Variants in ZBTB40 observed in about 807,000 individuals in gnomAD.
The protein encoded by ZBTB40 is zinc finger and BTB domain containing 40, also known as zinc finger and BTB domain-containing protein 40.
Under a neutral mutation model 117.5 loss-of-function variants are expected in ZBTB40, and 60 were observed. That is an observed-to-expected ratio of 0.51 (90% CI 0.41 to 0.63). ZBTB40 has a LOEUF of 0.63. Among genes scored for constraint, ZBTB40 ranks in the 30% least tolerant of loss-of-function variants. The probability of loss-of-function intolerance (pLI) is 0.00; values close to 1 mark genes in which losing one functional copy is unlikely to be tolerated. For synonymous variants in ZBTB40, 525 were observed against 577.1 expected, an observed-to-expected ratio of 0.91 and a Z score of 1.29; for missense variants, 1,287 against 1,498.5, an observed-to-expected ratio of 0.86 and a Z score of 2.33.
At chr1:22,461,727 T>C (rs1481260076) in intron 1 of ZBTB40, among the ~76,000 whole-genome samples, 1 of 152,164 alleles carries the variant, frequency 6.6e-6, no homozygotes, top group African/African-American at 2.4e-5. Context: ...GGTACTTAAC[T>C]ACAAAAGTGT....
chr1:22,444,526 T>C (rs191826058), intron 1 of ZBTB40, among the ~76,000 whole-genome samples: 1 of 151,958 alleles, frequency 6.6e-6, no homozygotes, highest in East Asian at 1.9e-4. Flanking sequence ...ATCTCAGGAG[T>C]TGGGCGAGTG....
At chr1:22,450,699 A>T (rs1180310888), upstream of ZBTB40, among the ~76,000 whole-genome samples, 2 of 152,244 alleles carry the variant, frequency 1.3e-5, no homozygotes, top group Non-Finnish European at 2.9e-5. Flanking sequence ...CAGTGACAGT[A>T]AATATGATCG....
chr1:22,517,234 G>T, intron 12 of ZBTB40, 66 bp from the exon 13 acceptor site: 1 of 1,601,646 alleles, frequency 6.2e-7, no homozygotes, highest in Non-Finnish European at 8.5e-7. Flanking sequence ...TGTAGAATTA[G>T]ATTTTGTTTG....
chr1:22,515,661 G>T (rs993311673), intron 12 of ZBTB40, among the ~76,000 whole-genome samples: 3 of 151,850 alleles, frequency 2.0e-5, no homozygotes. Flanking sequence ...CGATTACATT[G>T]AGCCCACCTG....
rs1157079061 is a variant in ZBTB40, at chr1:22,513,753, C to CTT, written c.2668+623_2668+624insTT. ...TAAAAAACAATGCACAACCTCTAGG[C>CTT]AAACAGACGACTGGGAATAGCTCTG... On this transcript the variant is annotated intron_variant, in intron 12 of 17. Transcript: ENST00000375647. The surrounding 1 kb of genome is among the most constrained non-coding windows in gnomAD (Gnocchi z 4.9). Among the ~76,000 whole-genome samples, 2 of 152,130 alleles carry CTT rather than the reference C, an allele frequency of 1.3e-5. No homozygotes were observed. Among genetic ancestry groups the CTT allele is most frequent in the Non-Finnish European group, 2.9e-5 (2 of 68,032 alleles).
At position 22,511,263 on chromosome 1, in the gene ZBTB40, GC is replaced by G; in HGVS notation, c.1920del (p.Ile641LeufsTer42). 2 of 1,614,028 alleles carry G rather than the reference GC, an allele frequency of 1.2e-6. No homozygotes were observed. Among genetic ancestry groups the G allele is most frequent in the Non-Finnish European group, 1.7e-6 (2 of 1,180,010 alleles). On this transcript the variant is annotated frameshift_variant, in exon 10 of 18. Transcript: ENST00000375647. LOFTEE classifies it high-confidence loss of function. ...CAGAGCCATGGAAAAATCAGTCCCG[GC>G]CATTGAAATATGCCACCTCCTGTGC... ...LSRAMEKSVP[A>X]IEICHLLCSV...
chr1:22,454,342 G>A (rs1475812889), intron 1 of ZBTB40, among the ~76,000 whole-genome samples: 1 of 152,220 alleles, frequency 6.6e-6, no homozygotes. Context: ...CTGGGGCTCT[G>A]TTCTGGAAGC....
At chr1:22,459,528 C>T (rs957674908) in intron 1 of ZBTB40, among the ~76,000 whole-genome samples, 1 of 152,162 alleles carries the variant, frequency 6.6e-6, no homozygotes, top group Non-Finnish European at 1.5e-5. Flanking sequence ...ATTTAGATTT[C>T]TTACTGGATT....
chr1:22,466,967 A>G (rs529878011), intron 1 of ZBTB40, among the ~76,000 whole-genome samples: 21 of 152,228 alleles, frequency 1.4e-4, no homozygotes, highest in African/African-American at 5.1e-4. Context: ...TTAGTGTCAT[A>G]TAGAGAGCCT....
intron 17 of ZBTB40, among the ~76,000 whole-genome samples, chr1:22,524,843 C>T (rs1639634315): frequency 6.6e-6 from 1 of 152,250 alleles, no homozygotes; most frequent in Admixed American, 6.5e-5. Flanking sequence ...CACTTGCACA[C>T]ACCTGGGCCT....
chr1:22,465,932 G>A (rs1325356923), intron 1 of ZBTB40, among the ~76,000 whole-genome samples: 1 of 152,176 alleles, frequency 6.6e-6, no homozygotes, highest in Admixed American at 6.5e-5. Flanking sequence ...CAGGCCAACT[G>A]GATCAGCTGC....
At chr1:22,486,499 G>A (rs1391924884) in intron 1 of ZBTB40, among the ~76,000 whole-genome samples, 1 of 152,176 alleles carries the variant, frequency 6.6e-6, no homozygotes, top group Non-Finnish European at 1.5e-5. Flanking sequence ...TCCCGCTGCT[G>A]GAAGCAAGAG....
chr1:22,433,432 CAAAAAAAAA>C (rs767913519), intron 1 of ZBTB40, among the ~76,000 whole-genome samples: 3 of 8,764 alleles, frequency 3.4e-4, no homozygotes, highest in Non-Finnish European at 8.4e-4. Flanking sequence ...GACGCCCTCT[CAAAAAAAAA>C]AAAAAAAAAA....
At chr1:22,433,459 A>G (rs976049025) in intron 1 of ZBTB40, among the ~76,000 whole-genome samples, 1 of 135,288 alleles carries the variant, frequency 7.4e-6, no homozygotes, top group African/African-American at 2.7e-5. Flanking sequence ...AAAAAAAAAG[A>G]CAGCTAAAAA....
chr1:22,449,158 C>T (rs1640826379), upstream of ZBTB40, among the ~76,000 whole-genome samples: 1 of 152,088 alleles, frequency 6.6e-6, no homozygotes, highest in Admixed American at 6.6e-5. Context: ...TTGTTGACCT[C>T]AGTGTTCTTG....
chr1:22,508,271 A>G, intron 7 of ZBTB40, 134 bp downstream of exon 7: 1 of 1,149,592 alleles, frequency 8.7e-7, no homozygotes, highest in Non-Finnish European at 1.2e-6. Flanking sequence ...AGTAGAGGAG[A>G]AATAGAAGGT....
In ZBTB40 at chr1:22,526,553, T is replaced by C; in HGVS notation, c.*157T>C. The stretch of plus-strand genomic sequence containing the variant: ...ACCTAGAAAACAGATGGAAGCTTCG[T>C]TGTTCTCATAGAACCAACAGCATCT... On this transcript the variant is annotated 3_prime_UTR_variant, in exon 18 of 18. Coordinates refer to ENST00000375647, the MANE Select transcript of ZBTB40 (RefSeq NM_014870.4). The C allele has an allele frequency of 1.0e-6, 1 of 955,286 alleles. No individual in the cohort carries two copies. Among genetic ancestry groups the C allele is most frequent in the Non-Finnish European group, 1.6e-6 (1 of 624,740 alleles). The allele number at this position is 955,286 out of a possible 1,614,324, so 59.2% of individuals were successfully genotyped here. A position where few individuals can be genotyped will look rare whatever the true frequency, so the allele number is the denominator to read the frequency against.
At chr1:22,466,661 T>C (rs911237203) in intron 1 of ZBTB40, among the ~76,000 whole-genome samples, 2 of 152,114 alleles carry the variant, frequency 1.3e-5, no homozygotes, top group African/African-American at 4.8e-5. Context: ...CATCTGTTCA[T>C]GTACTTACTG....
intron 3 of ZBTB40, among the ~76,000 whole-genome samples, chr1:22,495,701 G>A (rs531096767): frequency 2.6e-5 from 4 of 152,094 alleles, no homozygotes; most frequent in South Asian, 2.1e-4. Flanking sequence ...TAGTAGAGAC[G>A]GGGTTTCACC....
Sources: allele counts gnomAD v4.1 joint callset (sites outside exome capture counted in the v4.1 genomes callset), GRCh38; gene constraint gnomAD v4.1.1; non-coding constraint Gnocchi (gnomAD v3.1); transcripts MANE v1.5; gene names NCBI Gene and HGNC (gene_info 2026-07-23, HGNC 2026-07-21).